Variants in ABCC4 observed in about 807,000 individuals in gnomAD.
ABCC4 encodes the protein ATP binding cassette subfamily C member 4 (PEL blood group).
In ABCC4, 102 loss-of-function variants were observed where a neutral mutation model predicts 168.5. The ratio of observed to expected loss-of-function variants is 0.61; its 90% CI spans 0.52 to 0.71. The LOEUF (loss-of-function observed/expected upper bound fraction) is 0.71, where lower values mean the gene tolerates loss of function less well. Among genes scored for constraint, ABCC4 ranks in the 30% least tolerant of loss-of-function variants. ABCC4 has a pLI of 0.00. For synonymous variants in ABCC4, 617 were observed against 590.7 expected (o/e 1.04, Z -0.65); for missense variants, 1,402 against 1,605.8 (o/e 0.87, Z 2.17).
intron 21 of ABCC4, among the ~76,000 whole-genome samples, chr13:95,081,903 G>A (rs1239482211): frequency 6.6e-6 from 1 of 152,136 alleles, no homozygotes; most frequent in Non-Finnish European, 1.5e-5. Context: ...GGGAGGCTGA[G>A]GCATGAGAAT....
At chr13:95,272,019 A>C (rs2040859965) in intron 1 of ABCC4, among the ~76,000 whole-genome samples, 1 of 152,078 alleles carries the variant, frequency 6.6e-6, no homozygotes, top group African/African-American at 2.4e-5. Flanking sequence ...TCCTCAGAGG[A>C]AATGCTCCAG....
intron 4 of ABCC4, among the ~76,000 whole-genome samples, chr13:95,211,433 C>G (rs892677893): frequency 6.6e-6 from 1 of 152,006 alleles, no homozygotes; most frequent in Admixed American, 6.6e-5. Flanking sequence ...TGGGAGAGAC[C>G]CTGGACGATG....
chr13:95,138,268 G>A (rs1056148795), intron 19 of ABCC4, among the ~76,000 whole-genome samples: 1 of 152,122 alleles, frequency 6.6e-6, no homozygotes, highest in African/African-American at 2.4e-5. Flanking sequence ...AATTTGCCCT[G>A]GAGTTCCAAA....
At chr13:95,029,207 TATATATAG>T (rs2031724114) in intron 30 of ABCC4, among the ~76,000 whole-genome samples, 3 of 52,326 alleles carry the variant, frequency 5.7e-5, no homozygotes, top group African/African-American at 2.2e-4. Context: ...TATATATATA[TATATATAG>T]AGAGAGAGAG....
chr13:95,246,599 G>A (rs755186838), intron 3 of ABCC4, among the ~76,000 whole-genome samples: 15 of 152,206 alleles, frequency 9.9e-5, no homozygotes, highest in African/African-American at 1.4e-4. Flanking sequence ...CACAGGGCAC[G>A]CACTCCTCAA....
intron 9 of ABCC4, among the ~76,000 whole-genome samples, chr13:95,189,674 T>C (rs1419002699): frequency 6.6e-6 from 1 of 152,112 alleles, no homozygotes; most frequent in Non-Finnish European, 1.5e-5. Context: ...TCTTGGCAAA[T>C]GAACTTCTAC....
intron 19 of ABCC4, among the ~76,000 whole-genome samples, chr13:95,153,052 G>T: frequency 6.6e-6 from 1 of 152,088 alleles, no homozygotes; most frequent in East Asian, 1.9e-4. Flanking sequence ...GTTGAAATCG[G>T]CCACTGCAAG....
intron 8 of ABCC4, among the ~76,000 whole-genome samples, chr13:95,198,158 T>C (rs2038514676): frequency 6.6e-6 from 1 of 152,086 alleles, no homozygotes; most frequent in Admixed American, 6.5e-5. Context: ...GAAACTCTCA[T>C]CAGAGTGAAC....
chr13:95,154,197 GTTTTTGTT>G (rs1409292273), intron 19 of ABCC4, among the ~76,000 whole-genome samples: 13 of 152,108 alleles, frequency 8.5e-5, no homozygotes, highest in Admixed American at 8.5e-4. Context: ...GGAAATGTGT[GTTTTTGTT>G]TTGCAACAAA....
intron 4 of ABCC4, among the ~76,000 whole-genome samples, chr13:95,233,389 A>C (rs1216621353): frequency 6.6e-6 from 1 of 151,864 alleles, no homozygotes; most frequent in African/African-American, 2.4e-5. Flanking sequence ...TAAGCGAATT[A>C]ACGCAGGAAC....
intron 8 of ABCC4, among the ~76,000 whole-genome samples, chr13:95,198,337 G>T (rs2038520771): frequency 6.6e-6 from 1 of 152,178 alleles, no homozygotes; most frequent in Non-Finnish European, 1.5e-5. Context: ...CATGTATGCA[G>T]CCAACAAACA....
chr13:95,242,508 G>T (rs1471096766), intron 3 of ABCC4, among the ~76,000 whole-genome samples: 2 of 151,806 alleles, frequency 1.3e-5, no homozygotes, highest in African/African-American at 4.8e-5. Flanking sequence ...TTACAGGCGT[G>T]AGCCACTGCG....
At chr13:95,074,072 C>T (rs2033816705) in intron 23 of ABCC4, 142 bp downstream of exon 23, 1 of 668,450 alleles carries the variant, frequency 1.5e-6, no homozygotes, top group Admixed American at 3.2e-5. Flanking sequence ...CCTACCCAAC[C>T]TGACACATCG....
chr13:95,049,063 GTGGC>G (rs1202273085), intron 27 of ABCC4, among the ~76,000 whole-genome samples: 3 of 152,218 alleles, frequency 2.0e-5, no homozygotes, highest in Admixed American at 6.5e-5. Context: ...GCAGGGTGTG[GTGGC>G]TCACGCCTGT....
At chr13:95,088,298 G>T (rs2034321531) in intron 20 of ABCC4, among the ~76,000 whole-genome samples, 1 of 151,930 alleles carries the variant, frequency 6.6e-6, no homozygotes, top group African/African-American at 2.4e-5. Flanking sequence ...ATATAAAAGT[G>T]GAAATAAAAG....
At chr13:95,152,066 A>G (rs1295011355) in intron 19 of ABCC4, among the ~76,000 whole-genome samples, 2 of 152,180 alleles carry the variant, frequency 1.3e-5, no homozygotes, top group Non-Finnish European at 1.5e-5. Context: ...AACCCCCAAA[A>G]AAGTTATTAG....
At chr13:95,064,486 TACACAC>T (rs1221472607) in intron 25 of ABCC4, among the ~76,000 whole-genome samples, 1 of 129,818 alleles carries the variant, frequency 7.7e-6, no homozygotes, top group Non-Finnish European at 1.7e-5. Flanking sequence ...CTCACACACA[TACACAC>T]ACACACACGT....
chr13:95,250,803 T>C (rs1405912898), intron 1 of ABCC4, among the ~76,000 whole-genome samples: 1 of 124,388 alleles, frequency 8.0e-6, no homozygotes, highest in Non-Finnish European at 1.6e-5. Flanking sequence ...CTCACTCTGT[T>C]GCCCAGGCTG....
chr13:95,081,120 G>A (rs1171339905), intron 21 of ABCC4, among the ~76,000 whole-genome samples: 3 of 152,162 alleles, frequency 2.0e-5, no homozygotes, highest in African/African-American at 4.8e-5. Context: ...GCCAATCAGG[G>A]TACAGGAACA....
Sources: gnomAD v4.1 joint callset for allele counts (sites outside exome capture counted in the v4.1 genomes callset) on GRCh38, gnomAD v4.1.1 for gene constraint, MANE v1.5 for transcripts, NCBI Gene and HGNC (gene_info 2026-07-23, HGNC 2026-07-21) for gene names.